Variants in SIPA1L1 observed in about 807,000 individuals in gnomAD.
SIPA1L1 encodes signal-induced proliferation-associated 1-like protein 1.
In SIPA1L1, 26 loss-of-function variants were observed where a neutral mutation model predicts 162.7. The ratio of observed to expected loss-of-function variants is 0.16; its 90% CI spans 0.12 to 0.22. SIPA1L1 has a LOEUF of 0.22. Ranked by LOEUF, SIPA1L1 falls within the 10% of genes least tolerant of loss-of-function variation. The pLI is 1.00. For missense variants in SIPA1L1, 1,874 were observed against 2,241.0 expected (o/e 0.84, Z 3.31); for synonymous variants, 829 against 837.4 (o/e 0.99, Z 0.17).
intron 5 of SIPA1L1, 26 bp downstream of exon 5, chr14:71,589,396 C>A (rs1438902705): frequency 6.8e-7 from 1 of 1,477,368 alleles, no homozygotes; most frequent in African/African-American, 1.4e-5. Flanking sequence ...TTATTTCTTA[C>A]ATTTTCTTTT....
intron 20 of SIPA1L1, among the ~76,000 whole-genome samples, chr14:71,731,209 T>C (rs1010291503): frequency 2.0e-5 from 3 of 152,210 alleles, no homozygotes; most frequent in African/African-American, 4.8e-5. Context: ...TGCTCCCTTA[T>C]TTTTGAGCTC....
chr14:71,505,960 TC>T (rs34146532), intron 2 of SIPA1L1, among the ~76,000 whole-genome samples: 5,986 of 137,828 alleles, frequency 0.043, 264 homozygotes, highest in African/African-American at 0.11. Flanking sequence ...ATGCAAATAT[TC>T]CCCCCCCCCA....
At chr14:71,587,159 G>A (rs1036543702) in intron 4 of SIPA1L1, among the ~76,000 whole-genome samples, 6 of 152,206 alleles carry the variant, frequency 3.9e-5, no homozygotes, top group Admixed American at 3.9e-4. Context: ...AAAAAACTCT[G>A]TTGCTCTAAT....
intron 2 of SIPA1L1, among the ~76,000 whole-genome samples, chr14:71,385,556 G>A (rs2040246702): frequency 6.6e-6 from 1 of 151,870 alleles, no homozygotes. Flanking sequence ...GTTGCATTAA[G>A]ACAAAGTAAA....
intron 2 of SIPA1L1, among the ~76,000 whole-genome samples, chr14:71,363,913 T>C (rs2038036945): frequency 6.6e-6 from 1 of 151,976 alleles, no homozygotes; most frequent in Non-Finnish European, 1.5e-5. Flanking sequence ...CTAGTTTCCC[T>C]CCATCAGTTC....
intron 2 of SIPA1L1, among the ~76,000 whole-genome samples, chr14:71,366,608 T>G (rs955321377): frequency 6.6e-6 from 1 of 152,098 alleles, no homozygotes; most frequent in African/African-American, 2.4e-5. Context: ...TAATTTTGTT[T>G]TTGTATTTTT....
At chr14:71,635,512 A>T (rs950679261) in intron 7 of SIPA1L1, among the ~76,000 whole-genome samples, 1 of 152,222 alleles carries the variant, frequency 6.6e-6, no homozygotes, top group South Asian at 2.1e-4. Context: ...AAGTTTCTAC[A>T]CTTCGCTTCA....
intron 7 of SIPA1L1, among the ~76,000 whole-genome samples, chr14:71,630,866 A>G (rs1378971875): frequency 2.0e-5 from 3 of 151,350 alleles, no homozygotes; most frequent in Non-Finnish European, 2.9e-5. Context: ...TTTCTTTTAT[A>G]TATTATATAT....
intron 2 of SIPA1L1, among the ~76,000 whole-genome samples, chr14:71,476,956 C>G (rs1022542102): frequency 2.0e-5 from 3 of 152,044 alleles, no homozygotes; most frequent in East Asian, 1.9e-4. Context: ...CTACCTCGCT[C>G]AAAAAGTTTC....
intron 2 of SIPA1L1, among the ~76,000 whole-genome samples, chr14:71,457,817 G>C (rs555426821): frequency 6.6e-6 from 1 of 150,948 alleles, no homozygotes; most frequent in African/African-American, 2.4e-5. Flanking sequence ...GGCTGGTCTC[G>C]AACTCCTGAC....
rs574835165 is a variant in SIPA1L1 at position 71,505,407 on chromosome 14, GCTCT to G, written c.-464-7331_-464-7328del. Among the ~76,000 whole-genome samples the G allele has an allele frequency of 1.5e-4, 22 of 148,242 alleles. 1 individual carries two copies. In the South Asian group the frequency reaches 2.8e-3, roughly 19 times the overall value. On this transcript the variant is annotated intron_variant, in intron 2 of 23. Coordinates refer to ENST00000381232, the MANE Select transcript of SIPA1L1 (RefSeq NM_001386936.1). ...TGCTGTCTAACATTGGGATCTCACAGCTCTCTCTTTCTTCTTTTTTTTTTTTTTT... is the reference window on the plus strand; with the variant it reads ...TGCTGTCTAACATTGGGATCTCACAGCTCTTTCTTCTTTTTTTTTTTTTTT...
chr14:71,563,646 T>C (rs2056964927), intron 4 of SIPA1L1, among the ~76,000 whole-genome samples: 2 of 152,340 alleles, frequency 1.3e-5, no homozygotes, highest in South Asian at 4.1e-4. Flanking sequence ...TATTATTCTG[T>C]ACTACCTCAC....
intron 5 of SIPA1L1, among the ~76,000 whole-genome samples, chr14:71,594,786 T>C (rs1392812447): frequency 6.6e-6 from 1 of 152,258 alleles, no homozygotes; most frequent in Admixed American, 6.5e-5. Context: ...ATATAATCTA[T>C]GTAATTCATT....
intron 22 of SIPA1L1, 31 bp from the exon 23 acceptor site, chr14:71,738,210 G>T: frequency 8.1e-7 from 1 of 1,237,208 alleles, no homozygotes; most frequent in Non-Finnish European, 1.2e-6. Context: ...GGAGGCCCCT[G>T]CCAACATGGT....
intron 5 of SIPA1L1, among the ~76,000 whole-genome samples, chr14:71,605,238 C>A (rs538543325): frequency 9.4e-4 from 143 of 151,708 alleles, no homozygotes; most frequent in African/African-American, 3.2e-3. Flanking sequence ...CTGTTTGTTT[C>A]TTTTTATAAT....
At chr14:71,692,586 C>T (rs561360268) in intron 13 of SIPA1L1, among the ~76,000 whole-genome samples, 1 of 152,348 alleles carries the variant, frequency 6.6e-6, no homozygotes, top group South Asian at 2.1e-4. Context: ...TTAGATGATA[C>T]TGCAACAGTG....
chr14:71,654,391 G>A (rs1671322808), intron 8 of SIPA1L1, among the ~76,000 whole-genome samples: 1 of 152,110 alleles, frequency 6.6e-6, no homozygotes, highest in Non-Finnish European at 1.5e-5. Context: ...TTTGAAAGCT[G>A]GAGACCATCC....
chr14:71,514,521 A>G (rs954680843), intron 3 of SIPA1L1, among the ~76,000 whole-genome samples: 1 of 152,128 alleles, frequency 6.6e-6, no homozygotes, highest in Non-Finnish European at 1.5e-5. Context: ...TAGGGAGACT[A>G]CCTTTCCCTG....
At chr14:71,650,684 A>C (rs781032951) in intron 8 of SIPA1L1, among the ~76,000 whole-genome samples, 175 bp downstream of exon 8, 1 of 152,194 alleles carries the variant, frequency 6.6e-6, no homozygotes, top group Admixed American at 6.5e-5. Context: ...GATCATAACC[A>C]AAGTAGCTAG....
Sources: allele counts gnomAD v4.1 joint callset (sites outside exome capture counted in the v4.1 genomes callset), GRCh38; gene constraint gnomAD v4.1.1; transcripts MANE v1.5; gene names NCBI Gene and HGNC (gene_info 2026-07-23, HGNC 2026-07-21).